The following GABRB3 variants were observed in gnomAD, a reference collection of about 807,000 sequenced individuals.
The protein encoded by GABRB3 is gamma-aminobutyric acid type A receptor subunit beta3.
Under a neutral mutation model 52.1 loss-of-function variants are expected in GABRB3, and 14 were observed. That is an observed-to-expected ratio of 0.27 (90% CI 0.18 to 0.42). The LOEUF is 0.42. Ranked by LOEUF, GABRB3 falls within the 10% of genes least tolerant of loss-of-function variation. GABRB3 has a pLI of 1.00. For synonymous variants in GABRB3, 260 were observed against 232.3 expected (o/e 1.12, Z -1.08); for missense variants, 307 against 609.1 (o/e 0.50, Z 5.22).
intron 4 of GABRB3, among the ~76,000 whole-genome samples, chr15:26,598,230 G>T (rs1176405594): frequency 6.6e-6 from 1 of 151,740 alleles, no homozygotes; most frequent in Admixed American, 6.6e-5. Context: ...CAATAAACTG[G>T]TCGAATAAGA....
intron 3 of GABRB3, among the ~76,000 whole-genome samples, chr15:26,637,713 G>A (rs540481752): frequency 6.6e-6 from 1 of 152,320 alleles, no homozygotes; most frequent in East Asian, 1.9e-4. Flanking sequence ...ACAGGCATGG[G>A]ATACAAATTC....
rs776346710 is a variant in GABRB3 at position 26,547,808 on chromosome 15, C to T, written c.1407G>A (p.Leu469=). ...TFSLFNLVYW[L]YYVN ...GTACAGTCACTCAGTTAACATAGTA[C>T]AGCCAGTAAACTAAGTTGAAAAGAG... The change falls in exon 9 of 9, where the codon CTG becomes CTA. Residue 469 remains leucine (L), a synonymous_variant. Coordinates refer to ENST00000311550, the MANE Select transcript of GABRB3 (RefSeq NM_000814.6). The T allele has an allele frequency of 1.2e-6, 2 of 1,613,208 alleles. No homozygotes were observed. Among genetic ancestry groups the T allele is most frequent in the East Asian group, 4.5e-5 (2 of 44,872 alleles).
At chr15:26,587,985 T>C (rs1891056639) in intron 4 of GABRB3, among the ~76,000 whole-genome samples, 2 of 152,120 alleles carry the variant, frequency 1.3e-5, no homozygotes, top group Admixed American at 6.5e-5. Context: ...TACTCTTCAG[T>C]AGGTTCCTTT....
chr15:26,553,301 A>C (rs2912593), intron 8 of GABRB3: 143,658 of 152,244 alleles, frequency 0.94, 67,830 homozygotes, highest in East Asian at 1. Context: ...CAGGCGCCCA[A>C]CACTGCGCCC....
At chr15:26,577,049 A>C (rs1484738781) in intron 6 of GABRB3, among the ~76,000 whole-genome samples, 1 of 152,200 alleles carries the variant, frequency 6.6e-6, no homozygotes, top group Non-Finnish European at 1.5e-5. Flanking sequence ...TGCAACATAC[A>C]GAAAGAAATG....
intron 4 of GABRB3, among the ~76,000 whole-genome samples, chr15:26,584,757 A>C (rs1566759320): frequency 6.6e-6 from 1 of 152,170 alleles, no homozygotes; most frequent in Non-Finnish European, 1.5e-5. Flanking sequence ...TGAAAACGCA[A>C]CTATTAGGGT....
intron 4 of GABRB3, among the ~76,000 whole-genome samples, chr15:26,606,789 T>TATCGAGATATATCG (rs145598967): frequency 8.1e-5 from 10 of 122,776 alleles, no homozygotes; most frequent in Non-Finnish European, 1.7e-5. Context: ...TAGATATATC[T>TATCGAGATATATCG]ATAGATAGAT....
intron 3 of GABRB3, among the ~76,000 whole-genome samples, chr15:26,626,060 A>G (rs1892681373): frequency 6.6e-6 from 1 of 152,198 alleles, no homozygotes; most frequent in Admixed American, 6.5e-5. Context: ...TTCCAACAGC[A>G]TATGCTCACT....
intron 4 of GABRB3, chr15:26,615,331 T>C (rs753170013): frequency 1.0e-6 from 1 of 985,490 alleles, no homozygotes; most frequent in Non-Finnish European, 1.2e-6. Flanking sequence ...TAGGATGGCA[T>C]GCATACCCTG....
At chr15:26,760,809 G>GCACACACACACACACA (rs10522762) in intron 3 of GABRB3, among the ~76,000 whole-genome samples, 6,100 of 149,268 alleles carry the variant, frequency 0.041, 169 homozygotes, top group African/African-American at 0.083. Context: ...ACACGCGCAC[G>GCACACACACACACACA]CACACACACA....
At chr15:26,556,744 C>T (rs1036421157) in intron 8 of GABRB3, among the ~76,000 whole-genome samples, 1 of 152,074 alleles carries the variant, frequency 6.6e-6, no homozygotes, top group Non-Finnish European at 1.5e-5. Context: ...TAAGGAAAAC[C>T]TACTCATGGT....
At chr15:26,763,452 G>A (rs1890874928) in intron 3 of GABRB3, among the ~76,000 whole-genome samples, 1 of 152,124 alleles carries the variant, frequency 6.6e-6, no homozygotes. Context: ...CAAGAACTGT[G>A]CTCTGTGGCC....
At chr15:26,731,085 T>TCG (rs911451426) in intron 3 of GABRB3, among the ~76,000 whole-genome samples, 4 of 152,100 alleles carry the variant, frequency 2.6e-5, no homozygotes, top group African/African-American at 9.7e-5. Context: ...TCTCTCTCTC[T>TCG]CTATTAATAT....
At chr15:26,548,627 C>T (rs987461264) in intron 8 of GABRB3, among the ~76,000 whole-genome samples, 6 of 152,190 alleles carry the variant, frequency 3.9e-5, no homozygotes, top group East Asian at 1.9e-4. Context: ...TGATGACTTC[C>T]GTGGAGTAGA....
At chr15:26,575,248 T>C (rs568778565) in intron 6 of GABRB3, among the ~76,000 whole-genome samples, 9 of 152,304 alleles carry the variant, frequency 5.9e-5, no homozygotes, top group African/African-American at 1.9e-4. Flanking sequence ...GAAGCCCTTA[T>C]AAAAAGTGAT....
intron 3 of GABRB3, among the ~76,000 whole-genome samples, chr15:26,696,299 T>TA (rs1470961546): frequency 6.6e-6 from 1 of 152,190 alleles, no homozygotes; most frequent in African/African-American, 2.4e-5. Context: ...GCATGGTGTT[T>TA]AGCATTTTGT....
intron 3 of GABRB3, among the ~76,000 whole-genome samples, chr15:26,648,135 C>T (rs1345097995): frequency 1.3e-5 from 2 of 152,170 alleles, no homozygotes; most frequent in African/African-American, 2.4e-5. Flanking sequence ...GCCCATTAAA[C>T]ACCAACTCCC....
rs547451970 is a variant in GABRB3, at chr15:26,548,987, A to G, written c.1081-853T>C. On this transcript the variant is annotated intron_variant, in intron 8 of 8. Coordinates refer to ENST00000311550, the MANE Select transcript of GABRB3 (RefSeq NM_000814.6). Reference sequence around the variant, plus strand: ...GCCACAGCCCCAAGGACCATTCCACAGTCCCCTGGGCTTTCACTCCAGCAA... The same window carrying G: ...GCCACAGCCCCAAGGACCATTCCACGGTCCCCTGGGCTTTCACTCCAGCAA... Among the ~76,000 whole-genome samples the G allele has an allele frequency of 2.6e-5, 4 of 152,196 alleles. No homozygotes were observed. In the South Asian group the frequency reaches 8.3e-4, roughly 32 times the overall value.
At chr15:26,757,453 T>C (rs146083158) in intron 3 of GABRB3, among the ~76,000 whole-genome samples, 88 of 152,338 alleles carry the variant, frequency 5.8e-4, no homozygotes, top group Non-Finnish European at 1.1e-3. Flanking sequence ...TGAGGACTTA[T>C]GAGTGTCACA....
Sources: allele counts gnomAD v4.1 joint callset (sites outside exome capture counted in the v4.1 genomes callset), GRCh38; gene constraint gnomAD v4.1.1; transcripts MANE v1.5; gene names NCBI Gene and HGNC (gene_info 2026-07-23, HGNC 2026-07-21).